Variants in IPCEF1 observed in about 807,000 individuals in gnomAD.
IPCEF1 encodes the protein interactor protein for cytohesin exchange factors 1.
A neutral mutation model predicts 50.9 loss-of-function variants in IPCEF1; 31 were observed. The observed-to-expected ratio is 0.61, with a 90% CI of 0.46 to 0.82. The LOEUF is 0.82. IPCEF1 is among the 40% of genes least tolerant of loss of function. The pLI is 0.00. For missense variants in IPCEF1, 458 were observed against 514.0 expected (o/e 0.89, Z 1.05); for synonymous variants, 181 against 192.0 (o/e 0.94, Z 0.47).
At chr6:154,287,357 G>A (rs1040657205) in intron 2 of IPCEF1, among the ~76,000 whole-genome samples, 9 of 152,098 alleles carry the variant, frequency 5.9e-5, no homozygotes, top group Admixed American at 1.3e-4. Context: ...TTATAGCAGT[G>A]TGGGAATGGA....
chr6:154,347,078 GAGCACTCCTAAAATCATTAT>G (rs1336408299), intron 1 of IPCEF1, among the ~76,000 whole-genome samples: 1 of 152,128 alleles, frequency 6.6e-6, no homozygotes, highest in African/African-American at 2.4e-5. Flanking sequence ...AATCTGGGCT[GAGCACTCCTAAAATCATTAT>G]TCACCCAAAC....
At chr6:154,234,379 C>T (rs780798800) in intron 5 of IPCEF1, among the ~76,000 whole-genome samples, 2 of 152,198 alleles carry the variant, frequency 1.3e-5, no homozygotes, top group African/African-American at 4.8e-5. Context: ...CCCTCTCTCA[C>T]TTCCCTATTG....
intron 1 of IPCEF1, among the ~76,000 whole-genome samples, chr6:154,338,080 A>C (rs1783826995): frequency 6.6e-6 from 1 of 152,170 alleles, no homozygotes; most frequent in African/African-American, 2.4e-5. Flanking sequence ...CTATTGCTTG[A>C]CTTTCATCAA....
intron 3 of IPCEF1, among the ~76,000 whole-genome samples, chr6:154,260,112 G>T (rs1381720245): frequency 6.6e-6 from 1 of 152,162 alleles, no homozygotes; most frequent in African/African-American, 2.4e-5. Context: ...CTTTGTGAGT[G>T]GCGAATGCAG....
intron 11 of IPCEF1, among the ~76,000 whole-genome samples, chr6:154,164,617 C>T (rs1374838950): frequency 1.3e-5 from 2 of 152,166 alleles, no homozygotes; most frequent in Admixed American, 6.5e-5. Flanking sequence ...AGAGAGAATG[C>T]TGTACTTTCA....
At chr6:154,239,517 C>A (rs570096527) in intron 5 of IPCEF1, among the ~76,000 whole-genome samples, 8 of 152,292 alleles carry the variant, frequency 5.3e-5, no homozygotes, top group African/African-American at 1.7e-4. Flanking sequence ...ATTTTTACCC[C>A]TTTGATCCAT....
chr6:154,254,537 C>A (rs1384235345), intron 3 of IPCEF1, among the ~76,000 whole-genome samples: 1 of 152,236 alleles, frequency 6.6e-6, no homozygotes, highest in Non-Finnish European at 1.5e-5. Flanking sequence ...CCTCCCTCAA[C>A]ATGCAGAGAT....
chr6:154,212,221 T>C (rs1167542727), intron 9 of IPCEF1, among the ~76,000 whole-genome samples: 2 of 152,198 alleles, frequency 1.3e-5, no homozygotes, highest in Non-Finnish European at 2.9e-5. Context: ...CATTAATTAA[T>C]AATGTGAACT....
chr6:154,317,269 G>A (rs991042080), intron 1 of IPCEF1, among the ~76,000 whole-genome samples: 6 of 151,964 alleles, frequency 3.9e-5, no homozygotes, highest in Non-Finnish European at 7.4e-5. Flanking sequence ...GAGCAAATGG[G>A]CCAGGCACAA....
At chr6:154,273,692 G>GCTTTTTT (rs1554300733) in intron 2 of IPCEF1, among the ~76,000 whole-genome samples, 1 of 38,674 alleles carries the variant, frequency 2.6e-5, no homozygotes, top group Non-Finnish European at 5.4e-5. Context: ...ATTATTTTAA[G>GCTTTTTT]CTTTTTTCTT....
At chr6:154,294,804 CT>C (rs1782598632) in intron 1 of IPCEF1, among the ~76,000 whole-genome samples, 1 of 151,878 alleles carries the variant, frequency 6.6e-6, no homozygotes. Context: ...TTTAGCTGAA[CT>C]AAGGAGAAAG....
intron 5 of IPCEF1, among the ~76,000 whole-genome samples, chr6:154,239,547 A>C (rs962795954): frequency 6.6e-6 from 1 of 152,176 alleles, no homozygotes; most frequent in Non-Finnish European, 1.5e-5. Context: ...TCTTGCGGTA[A>C]ACCGGTCACC....
intron 9 of IPCEF1, among the ~76,000 whole-genome samples, chr6:154,209,312 A>G (rs1777766057): frequency 1.3e-5 from 2 of 152,218 alleles, no homozygotes; most frequent in South Asian, 4.1e-4. Flanking sequence ...AGTCATCGCT[A>G]GCCTATACTG....
intron 3 of IPCEF1, among the ~76,000 whole-genome samples, chr6:154,262,507 G>T (rs1210981264): frequency 6.6e-6 from 1 of 152,152 alleles, no homozygotes; most frequent in Admixed American, 6.5e-5. Flanking sequence ...GTAAGGGTAG[G>T]TAATACTAAC....
intron 6 of IPCEF1, among the ~76,000 whole-genome samples, chr6:154,222,227 C>CT (rs1328952787): frequency 6.6e-6 from 1 of 152,248 alleles, no homozygotes; most frequent in East Asian, 1.9e-4. Context: ...CCACTTTACC[C>CT]TTTAGGCAGG....
At chr6:154,307,382 G>A (rs553526152) in intron 1 of IPCEF1, among the ~76,000 whole-genome samples, 95 of 152,202 alleles carry the variant, frequency 6.2e-4, no homozygotes, top group African/African-American at 2.1e-3. Context: ...CTTGCCTTCC[G>A]CCATGGTTGT....
At chr6:154,324,001 A>T (rs1038837608) in intron 1 of IPCEF1, among the ~76,000 whole-genome samples, 8 of 152,224 alleles carry the variant, frequency 5.3e-5, no homozygotes, top group African/African-American at 1.9e-4. Flanking sequence ...AACAAGACTG[A>T]TCACATTGAA....
At chr6:154,239,757 G>A (rs1780429187) in intron 5 of IPCEF1, among the ~76,000 whole-genome samples, 1 of 152,230 alleles carries the variant, frequency 6.6e-6, no homozygotes, top group Admixed American at 6.5e-5. Flanking sequence ...AGGCTGGAGT[G>A]CAGTGATGTG....
chr6:154,351,700 T>C (rs1450722516), intron 1 of IPCEF1, among the ~76,000 whole-genome samples: 1 of 152,200 alleles, frequency 6.6e-6, no homozygotes, highest in African/African-American at 2.4e-5. Flanking sequence ...CTGCCTATTG[T>C]GGTGGTTTGA....
Sources: gnomAD v4.1 joint callset for allele counts (sites outside exome capture counted in the v4.1 genomes callset) on GRCh38, gnomAD v4.1.1 for gene constraint, MANE v1.5 for transcripts, NCBI Gene and HGNC (gene_info 2026-07-23, HGNC 2026-07-21) for gene names.